The following FNDC3B variants were observed in gnomAD, a reference collection of about 807,000 sequenced individuals.
FNDC3B encodes the protein fibronectin type III domain-containing protein 3B.
FNDC3B carries 12 observed loss-of-function variants against 151.5 expected under a neutral mutation model. That is an observed-to-expected ratio of 0.08 (90% confidence interval 0.05 to 0.13). FNDC3B has a LOEUF of 0.13. FNDC3B is among the 10% of genes least tolerant of loss of function. FNDC3B has a pLI of 1.00. For synonymous variants in FNDC3B, 528 were observed against 549.0 expected, an observed-to-expected ratio of 0.96 and a Z score of 0.54; for missense variants, 1,214 against 1,505.3, an observed-to-expected ratio of 0.81 and a Z score of 3.20.
chr3:172,210,855 G>A (rs1725699136), intron 3 of FNDC3B, among the ~76,000 whole-genome samples: 1 of 152,150 alleles, frequency 6.6e-6, no homozygotes, highest in Non-Finnish European at 1.5e-5. Flanking sequence ...TTTTGGATGT[G>A]TTACTTGGAT....
chr3:172,361,796 C>T (rs147425128), intron 22 of FNDC3B, among the ~76,000 whole-genome samples: 18 of 152,234 alleles, frequency 1.2e-4, no homozygotes, highest in African/African-American at 4.1e-4. Context: ...CCCACCACAA[C>T]CTCCCAAGTA....
chr3:172,097,254 T>C (rs1056343587), intron 1 of FNDC3B, among the ~76,000 whole-genome samples: 5 of 152,222 alleles, frequency 3.3e-5, no homozygotes, highest in Admixed American at 3.3e-4. Flanking sequence ...GGGTTGGTCC[T>C]AGTGAGCATG....
intron 1 of FNDC3B, among the ~76,000 whole-genome samples, chr3:172,101,954 A>AG (rs1023484389): frequency 6.6e-6 from 1 of 152,176 alleles, no homozygotes; most frequent in Admixed American, 6.5e-5. Flanking sequence ...GCCTTTGTGG[A>AG]GGGGAACCAA....
At chr3:172,189,038 T>C (rs1724360239) in intron 3 of FNDC3B, among the ~76,000 whole-genome samples, 1 of 152,212 alleles carries the variant, frequency 6.6e-6, no homozygotes, top group Admixed American at 6.5e-5. Context: ...ATTTAAAACT[T>C]ATTTAATGTA....
chr3:172,176,681 C>G (rs994493156), intron 3 of FNDC3B, among the ~76,000 whole-genome samples: 3 of 152,152 alleles, frequency 2.0e-5, no homozygotes, highest in African/African-American at 7.2e-5. Flanking sequence ...CTGAATTCAT[C>G]TGAAACTGTA....
In FNDC3B at chr3:172,040,355, G is replaced by T. The variant is rs926394588; in HGVS notation, c.-29+584G>T. 6.6e-6 allele frequency among the ~76,000 whole-genome samples: 1 copy of T among 151,954 alleles called. No individual in the cohort carries two copies. The highest frequency in any genetic ancestry group is 2.4e-5 in the African/African-American group (1 of 41,410). On this transcript the variant is annotated intron_variant, in intron 1 of 25. Coordinates refer to ENST00000415807, the MANE Select transcript of FNDC3B (RefSeq NM_022763.4). This position sits in a 1 kb window ranked among gnomAD's most constrained non-coding sequence, Gnocchi z 6.6. Reference sequence around the variant, plus strand: ...GGCGGTCGGGGGCCTCGAACCCGGGGATGCTCGCGGGGAGGGTCCCGAGCC... The same window carrying T: ...GGCGGTCGGGGGCCTCGAACCCGGGTATGCTCGCGGGGAGGGTCCCGAGCC...
At chr3:172,192,522 G>A (rs1240323563) in intron 3 of FNDC3B, among the ~76,000 whole-genome samples, 1 of 151,912 alleles carries the variant, frequency 6.6e-6, no homozygotes, top group East Asian at 1.9e-4. Context: ...GAAGAGGGAG[G>A]CAAGTAAACA....
chr3:172,299,113 TATC>T (rs1730776911), intron 9 of FNDC3B, among the ~76,000 whole-genome samples: 1 of 152,246 alleles, frequency 6.6e-6, no homozygotes, highest in Admixed American at 6.5e-5. Context: ...ACCATGGGCA[TATC>T]ATTGTTTCTT....
intron 4 of FNDC3B, among the ~76,000 whole-genome samples, chr3:172,231,718 T>C (rs528831492): frequency 6.6e-6 from 1 of 152,294 alleles, no homozygotes; most frequent in Non-Finnish European, 1.5e-5. Context: ...TACACTGACC[T>C]CTTTCCCATT....
At chr3:172,145,660 C>T (rs1721866672) in intron 3 of FNDC3B, among the ~76,000 whole-genome samples, 1 of 152,122 alleles carries the variant, frequency 6.6e-6, no homozygotes. Flanking sequence ...TTCAACTTTA[C>T]GATTGTTTCA....
intron 1 of FNDC3B, among the ~76,000 whole-genome samples, chr3:172,070,900 G>A (rs958093689): frequency 4.6e-5 from 7 of 151,738 alleles, no homozygotes; most frequent in Admixed American, 1.3e-4. Context: ...AAGTTCTTTC[G>A]GAAATATATT....
chr3:172,297,620 G>A (rs1373595968), intron 8 of FNDC3B, among the ~76,000 whole-genome samples: 3 of 152,136 alleles, frequency 2.0e-5, no homozygotes, highest in Middle Eastern at 3.2e-3. Flanking sequence ...GATTACAGGT[G>A]CCCGCCACCA....
intron 2 of FNDC3B, among the ~76,000 whole-genome samples, chr3:172,127,555 G>A (rs1048222239): frequency 1.8e-4 from 14 of 76,072 alleles, no homozygotes; most frequent in African/African-American, 1.1e-4. Flanking sequence ...CTTAATCATT[G>A]TAGAAAAAAA....
At position 172,260,771 on chromosome 3, in the gene FNDC3B, A is replaced by C. The variant is rs116853113; in HGVS notation, c.790+9230A>C. Among the ~76,000 whole-genome samples, 19 of 152,236 alleles carry C rather than the reference A, an allele frequency of 1.2e-4. No homozygotes were observed. The East Asian group carries it at 3.3e-3, about 26-fold the overall frequency. ...TTGCCAACCCACAAACAACCTGCTG[A>C]ATTCTGGGCAAGAATAAAATGCAGT... On this transcript the variant is annotated intron_variant, in intron 6 of 25. Coordinates refer to ENST00000415807, the MANE Select transcript of FNDC3B (RefSeq NM_022763.4).
At chr3:172,076,057 G>C (rs1264878869) in intron 1 of FNDC3B, among the ~76,000 whole-genome samples, 1 of 152,026 alleles carries the variant, frequency 6.6e-6, no homozygotes. Context: ...AGTTTCCAAA[G>C]CTTTTTCTTT....
intron 6 of FNDC3B, among the ~76,000 whole-genome samples, chr3:172,280,400 C>T (rs1036323012): frequency 1.3e-4 from 20 of 152,128 alleles, no homozygotes; most frequent in African/African-American, 4.6e-4. Flanking sequence ...TTACTGTTGG[C>T]TTTAGGCTTC....
At chr3:172,323,246 A>G (rs1732179250) in intron 11 of FNDC3B, among the ~76,000 whole-genome samples, 1 of 152,150 alleles carries the variant, frequency 6.6e-6, no homozygotes, top group Non-Finnish European at 1.5e-5. Flanking sequence ...AGAGCTGGAC[A>G]TGGTAGCTCA....
chr3:172,360,701 G>A (rs1158484448), intron 22 of FNDC3B, among the ~76,000 whole-genome samples: 1 of 151,978 alleles, frequency 6.6e-6, no homozygotes, highest in East Asian at 1.9e-4. Flanking sequence ...TTTCTCCATT[G>A]GATTGCTTTT....
intron 11 of FNDC3B, among the ~76,000 whole-genome samples, chr3:172,311,338 T>C (rs774831814): frequency 2.0e-5 from 3 of 152,156 alleles, no homozygotes; most frequent in South Asian, 2.1e-4. Context: ...GAGCAGTACA[T>C]AGAAGTCACA....
Sources: allele counts gnomAD v4.1 joint callset (sites outside exome capture counted in the v4.1 genomes callset), GRCh38; gene constraint gnomAD v4.1.1; non-coding constraint Gnocchi (gnomAD v3.1); transcripts MANE v1.5; gene names NCBI Gene and HGNC (gene_info 2026-07-23, HGNC 2026-07-21).